The following FAM81A variants were observed in gnomAD, a reference collection of about 807,000 sequenced individuals.
The protein encoded by FAM81A is protein FAM81A.
FAM81A carries 19 observed loss-of-function variants against 46.7 expected under a neutral mutation model. The ratio of observed to expected loss-of-function variants is 0.41; its 90% CI spans 0.28 to 0.60. The LOEUF (loss-of-function observed/expected upper bound fraction) is 0.60, where lower values mean the gene tolerates loss of function less well. Among genes scored for constraint, FAM81A ranks in the 20% least tolerant of loss-of-function variants. The pLI is 0.34. For missense variants in FAM81A, 377 were observed against 453.5 expected (o/e 0.83, Z 1.53); for synonymous variants, 183 against 152.9 (o/e 1.20, Z -1.45).
rs1206206451 is a variant in FAM81A at position 59,459,825 on chromosome 15, C to T, written c.21-108C>T. On this transcript the variant is annotated intron_variant, in intron 2 of 8. Coordinates refer to ENST00000288228, the MANE Select transcript of FAM81A (RefSeq NM_152450.3). ...AAATCCTGCCTCAAACCCTATTTAG[C>T]TTGTAGTTATAGATAATTTGTATTT... 4.3e-6 allele frequency: 6 copies of T among 1,404,920 alleles called. No individual in the cohort carries two copies. The African/African-American group carries it at 5.8e-5, about 14-fold the overall frequency. 87.0% of individuals were successfully genotyped at this position (1,404,920 alleles called of 1,614,324 possible).
intron 1 of FAM81A, chr15:59,401,108 C>A (rs2081068157): frequency 3.4e-6 from 2 of 590,928 alleles, no homozygotes; most frequent in Admixed American, 5.8e-5. Flanking sequence ...TTTAATAAAT[C>A]TCTTGATGAT....
chr15:59,421,106 G>A (rs1296174125), intron 2 of FAM81A, among the ~76,000 whole-genome samples: 1 of 152,186 alleles, frequency 6.6e-6, no homozygotes, highest in Non-Finnish European at 1.5e-5. Context: ...ATGTGCATAC[G>A]AATCAGCAGG....
At chr15:59,514,523 T>C in intron 7 of FAM81A, 99 bp downstream of exon 7, 1 of 1,399,622 alleles carries the variant, frequency 7.1e-7, no homozygotes, top group East Asian at 2.3e-5. Context: ...GATTTAGCTG[T>C]TCAATTGTTT....
At chr15:59,504,125 A>C (rs190841300) in intron 4 of FAM81A, among the ~76,000 whole-genome samples, 2 of 152,338 alleles carry the variant, frequency 1.3e-5, no homozygotes, top group East Asian at 3.9e-4. Context: ...TTTTAAAAAA[A>C]CTATTATATT....
rs1407784434 is a variant in FAM81A, at chr15:59,522,053, C to T, written c.*675C>T. ...CGTAAGGCTCAATATCTGCGTTGAC[C>T]ACCTAGATATTACAGGTTTTAATAT... On this transcript the variant is annotated 3_prime_UTR_variant, in exon 9 of 9. Transcript: ENST00000288228. 5.9e-5 allele frequency: 9 copies of T among 152,514 alleles called. No individual in the cohort carries two copies. Among genetic ancestry groups the T allele is most frequent in the African/African-American group, 1.9e-4 (8 of 41,476 alleles). 9.4% of individuals were successfully genotyped at this position (152,514 alleles called of 1,614,324 possible).
At chr15:59,434,083 A>G (rs567576400), upstream of FAM81A, among the ~76,000 whole-genome samples, 122 of 152,276 alleles carry the variant, frequency 8.0e-4, no homozygotes, top group Non-Finnish European at 1.4e-3. Context: ...TTGAACTCCT[A>G]GCCTCAAGCT....
At chr15:59,518,253 C>T (rs1019152103) in intron 8 of FAM81A, among the ~76,000 whole-genome samples, 4 of 151,710 alleles carry the variant, frequency 2.6e-5, no homozygotes, top group African/African-American at 4.8e-5. Context: ...GCTGGGATTA[C>T]AGGCAAGAGC....
rs898308374 is a variant in FAM81A, at chr15:59,521,531, T to A, written c.*153T>A. ...TTTTTATGGGTCTAAATGTTTACCT[T>A]GAGTCTTGAAAATACTCTTTTGTTA... On this transcript the variant is annotated 3_prime_UTR_variant, in exon 9 of 9. Transcript: ENST00000288228. 2 of 771,454 alleles carry A rather than the reference T, an allele frequency of 2.6e-6. No homozygotes were observed. The highest frequency in any genetic ancestry group is 3.7e-6 in the Non-Finnish European group (2 of 543,424). The allele number at this position is 771,454 out of a possible 1,614,324, so 47.8% of individuals were successfully genotyped here. A position where few individuals can be genotyped will look rare whatever the true frequency, so the allele number is the denominator to read the frequency against.
chr15:59,515,749 A>T (rs1188451831), intron 7 of FAM81A, among the ~76,000 whole-genome samples: 2 of 152,232 alleles, frequency 1.3e-5, no homozygotes, highest in African/African-American at 2.4e-5. Context: ...TGTACTAATA[A>T]TTCTTGGTCT....
chr15:59,431,932 T>G (rs1438728527), intron 2 of FAM81A, among the ~76,000 whole-genome samples: 1 of 152,170 alleles, frequency 6.6e-6, no homozygotes, highest in Non-Finnish European at 1.5e-5. Flanking sequence ...GGGAAACCTG[T>G]GTGTGTGCAT....
chr15:59,434,712 G>A (rs1336324379), upstream of FAM81A, among the ~76,000 whole-genome samples: 2 of 152,168 alleles, frequency 1.3e-5, no homozygotes, highest in African/African-American at 2.4e-5. Context: ...AATGAACAAC[G>A]TGTAACACTC....
intron 3 of FAM81A, among the ~76,000 whole-genome samples, chr15:59,470,115 A>G (rs967860979): frequency 5.9e-5 from 9 of 152,086 alleles, no homozygotes; most frequent in African/African-American, 2.2e-4. Flanking sequence ...GGGTAACTCG[A>G]CCTTTCTGTC....
At chr15:59,444,825 T>A (rs1348489975) in intron 1 of FAM81A, among the ~76,000 whole-genome samples, 9 of 152,252 alleles carry the variant, frequency 5.9e-5, no homozygotes, top group Non-Finnish European at 1.3e-4. Flanking sequence ...TAAAAGCAGG[T>A]GATTTTTGCA....
chr15:59,496,563 C>G (rs150226625), intron 4 of FAM81A, among the ~76,000 whole-genome samples: 1 of 152,052 alleles, frequency 6.6e-6, no homozygotes, highest in African/African-American at 2.4e-5. Context: ...CAAGATCTCG[C>G]CACTGCACTC....
At chr15:59,511,884 C>T (rs891475612) in intron 6 of FAM81A, among the ~76,000 whole-genome samples, 3 of 152,024 alleles carry the variant, frequency 2.0e-5, no homozygotes, top group East Asian at 1.9e-4. Context: ...CTCCTGACCT[C>T]GTGATCTGCC....
intron 1 of FAM81A, among the ~76,000 whole-genome samples, chr15:59,453,479 C>T (rs111784783): frequency 3.0e-3 from 453 of 152,256 alleles, no homozygotes; most frequent in African/African-American, 9.9e-3. Context: ...AGTTATGTGA[C>T]CCCCAACTCA....
At chr15:59,444,593 G>A (rs2081335133) in intron 1 of FAM81A, among the ~76,000 whole-genome samples, 1 of 152,152 alleles carries the variant, frequency 6.6e-6, no homozygotes, top group Non-Finnish European at 1.5e-5. Context: ...GAGACCTGGA[G>A]CCACCTGCCT....
In FAM81A at chr15:59,453,064, A is replaced by T. The variant is rs909062128; in HGVS notation, c.-77-5486A>T. On this transcript the variant is annotated intron_variant, in intron 1 of 8. Transcript: ENST00000288228. ...AGGCATGAGCCACCGCTCCTGGCTG[A>T]AAGTTTTATTTTAAAAAATAGATAT... Among the ~76,000 whole-genome samples the T allele has an allele frequency of 9.2e-5, 14 of 152,338 alleles. No homozygotes were observed. The East Asian group carries it at 2.7e-3, about 29-fold the overall frequency.
chr15:59,413,354 G>T (rs1028864542), intron 2 of FAM81A, among the ~76,000 whole-genome samples: 6 of 150,868 alleles, frequency 4.0e-5, no homozygotes, highest in African/African-American at 1.5e-4. Flanking sequence ...AACGTAACTG[G>T]CTGCCCAAGA....
Sources: gnomAD v4.1 joint callset for allele counts (sites outside exome capture counted in the v4.1 genomes callset) on GRCh38, gnomAD v4.1.1 for gene constraint, MANE v1.5 for transcripts, NCBI Gene and HGNC (gene_info 2026-07-23, HGNC 2026-07-21) for gene names.